Variants in RAB11FIP4 observed in about 807,000 individuals in gnomAD.
RAB11FIP4 encodes RAB11 family interacting protein 4, also known as rab11 family-interacting protein 4.
Under a neutral mutation model 74.3 loss-of-function variants are expected in RAB11FIP4, and 23 were observed. The ratio of observed to expected loss-of-function variants is 0.31; its 90% CI spans 0.22 to 0.44. The LOEUF is 0.44. Among genes scored for constraint, RAB11FIP4 ranks in the 20% least tolerant of loss-of-function variants. The probability of loss-of-function intolerance (pLI) is 1.00; values close to 1 mark genes in which losing one functional copy is unlikely to be tolerated. For missense variants in RAB11FIP4, 630 were observed against 863.9 expected (o/e 0.73, Z 3.39); for synonymous variants, 360 against 359.9 (o/e 1.00, Z 0.00).
At chr17:31,407,241 G>C (rs1043798860) in intron 1 of RAB11FIP4, among the ~76,000 whole-genome samples, 1 of 151,438 alleles carries the variant, frequency 6.6e-6, no homozygotes, top group Non-Finnish European at 1.5e-5. Context: ...AGAAATGGGG[G>C]TCTCACTATG....
intron 3 of RAB11FIP4, among the ~76,000 whole-genome samples, chr17:31,445,579 T>TATATATATATATATA (rs71142054): frequency 2.4e-4 from 2 of 8,408 alleles, no homozygotes; most frequent in African/African-American, 6.8e-4. Context: ...TATATATATA[T>TATATATATATATATA]TTTTTTTTTT....
At chr17:31,430,610 C>T (rs1266494158) in intron 1 of RAB11FIP4, among the ~76,000 whole-genome samples, 7 of 151,974 alleles carry the variant, frequency 4.6e-5, no homozygotes, top group African/African-American at 9.7e-5. Flanking sequence ...CTACCCGCCT[C>T]GGCCTCCCAA....
intron 1 of RAB11FIP4, among the ~76,000 whole-genome samples, chr17:31,402,232 C>T (rs8080492): frequency 0.1 from 15,425 of 149,954 alleles, 1,521 homozygotes; most frequent in East Asian, 0.34. Context: ...CATCCATCCA[C>T]CCACCATCTA....
chr17:31,497,640 A>C (rs1162970348), intron 3 of RAB11FIP4, among the ~76,000 whole-genome samples: 2 of 152,124 alleles, frequency 1.3e-5, no homozygotes, highest in Non-Finnish European at 2.9e-5. Flanking sequence ...ACAAGGCTGC[A>C]CAGGGTCTGG....
At chr17:31,423,112 G>A (rs2071215556) in intron 1 of RAB11FIP4, among the ~76,000 whole-genome samples, 1 of 152,008 alleles carries the variant, frequency 6.6e-6, no homozygotes, top group Admixed American at 6.5e-5. Flanking sequence ...GTAGAGACGG[G>A]GTTTCACCAT....
At chr17:31,480,647 G>A (rs973732184) in intron 3 of RAB11FIP4, among the ~76,000 whole-genome samples, 1 of 151,838 alleles carries the variant, frequency 6.6e-6, no homozygotes, top group African/African-American at 2.4e-5. Flanking sequence ...AATTAGCTGG[G>A]TGTGGTGGCA....
rs149626729 is a variant in RAB11FIP4 at position 31,404,086 on chromosome 17, T to G, written c.159+12075T>G. Among the ~76,000 whole-genome samples the G allele has an allele frequency of 1.2e-4, 18 of 152,210 alleles. No individual in the cohort carries two copies. In the East Asian group the frequency reaches 3.1e-3, roughly 26 times the overall value. On this transcript the variant is annotated intron_variant, in intron 1 of 14. Transcript: ENST00000621161. The stretch of plus-strand genomic sequence containing the variant: ...ATGGTGATTCCATGGCCCCAGGAGG[T>G]GCGCATTTCTCTGACTGCTCCGATT...
At chr17:31,510,127 C>T (rs2072425215) in intron 3 of RAB11FIP4, among the ~76,000 whole-genome samples, 1 of 152,200 alleles carries the variant, frequency 6.6e-6, no homozygotes, top group Admixed American at 6.5e-5. Flanking sequence ...TGGAAGACCC[C>T]AGCCCTAGCA....
intron 3 of RAB11FIP4, among the ~76,000 whole-genome samples, chr17:31,466,069 G>C (rs1413817160): frequency 6.6e-6 from 1 of 151,890 alleles, no homozygotes; most frequent in African/African-American, 2.4e-5. Context: ...GCTTGAACCC[G>C]GGAGGCGGAG....
At chr17:31,434,928 G>A (rs1166356992) in intron 3 of RAB11FIP4, among the ~76,000 whole-genome samples, 1 of 152,244 alleles carries the variant, frequency 6.6e-6, no homozygotes, top group Non-Finnish European at 1.5e-5. Flanking sequence ...GCTGATGCTT[G>A]TAATCCCAGC....
chr17:31,503,973 A>G (rs992833899), intron 3 of RAB11FIP4, among the ~76,000 whole-genome samples: 3 of 149,710 alleles, frequency 2.0e-5, no homozygotes, highest in Non-Finnish European at 2.9e-5. Flanking sequence ...ATCATTGATC[A>G]TCAGAGAAAT....
chr17:31,522,487 T>G lies in RAB11FIP4; in HGVS notation c.929+92T>G, dbSNP rs142907468. The G allele has an allele frequency of 1.9e-3, 2,433 of 1,259,520 alleles. 61 individuals carry two copies. The East Asian group carries it at 0.044, about 23-fold the overall frequency. 78.0% of individuals were successfully genotyped at this position (1,259,520 alleles called of 1,614,324 possible). ...CTGCCAGCAGCCCGGACTCAGCTGG[T>G]GCCCGCATGTGGCTGAGTGAGCAGA... On this transcript the variant is annotated intron_variant, in intron 7 of 14. Transcript: ENST00000621161.
intron 3 of RAB11FIP4, among the ~76,000 whole-genome samples, chr17:31,470,895 G>A (rs888035956): frequency 1.3e-5 from 2 of 152,208 alleles, no homozygotes; most frequent in Non-Finnish European, 2.9e-5. Flanking sequence ...AGTCATTATA[G>A]AGGAGACAAT....
intron 3 of RAB11FIP4, among the ~76,000 whole-genome samples, chr17:31,437,528 C>T (rs191272384): frequency 4.6e-5 from 7 of 152,234 alleles, no homozygotes; most frequent in South Asian, 4.1e-4. Flanking sequence ...CCCCAGGGAA[C>T]GCAAACCTGA....
At chr17:31,469,241 T>A (rs2071715418) in intron 3 of RAB11FIP4, among the ~76,000 whole-genome samples, 1 of 152,120 alleles carries the variant, frequency 6.6e-6, no homozygotes, top group East Asian at 1.9e-4. Context: ...GGGGAACCAA[T>A]GGCCCCTCTT....
chr17:31,447,393 A>G (rs2071477573), intron 3 of RAB11FIP4, among the ~76,000 whole-genome samples: 2 of 152,238 alleles, frequency 1.3e-5, no homozygotes, highest in Non-Finnish European at 2.9e-5. Context: ...TAAGCCCAGG[A>G]GATTGAGGCT....
chr17:31,511,035 GTT>G (rs993577933), intron 3 of RAB11FIP4, among the ~76,000 whole-genome samples: 48 of 152,172 alleles, frequency 3.2e-4, no homozygotes, highest in African/African-American at 9.9e-4. Flanking sequence ...TTTTTGTTTT[GTT>G]TTGTTTTGTT....
Position 31,531,851 on chromosome 17 carries a change from T to C in RAB11FIP4, c.*119T>C. On this transcript the variant is annotated 3_prime_UTR_variant, in exon 15 of 15. Transcript: ENST00000621161. ...ACTGTAAATGTCTCTCTGGCCACCA[T>C]GCGTTACGTGTACCCGTGTATATGT... 1.1e-5 allele frequency: 8 copies of C among 708,290 alleles called. No homozygotes were observed. The South Asian group carries it at 1.3e-4, about 12-fold the overall frequency. The allele number at this position is 708,290 out of a possible 1,614,324, so 43.9% of individuals were successfully genotyped here.
intron 1 of RAB11FIP4, among the ~76,000 whole-genome samples, chr17:31,416,137 C>T (rs908245939): frequency 6.6e-6 from 1 of 152,224 alleles, no homozygotes; most frequent in Non-Finnish European, 1.5e-5. Context: ...GGGATTAGTG[C>T]TCTGGGGTTG....
Sources: allele counts gnomAD v4.1 joint callset (sites outside exome capture counted in the v4.1 genomes callset), GRCh38; gene constraint gnomAD v4.1.1; transcripts MANE v1.5; gene names NCBI Gene and HGNC (gene_info 2026-07-23, HGNC 2026-07-21).